The following MED13L variants were observed in gnomAD, a reference collection of about 807,000 sequenced individuals.
The protein encoded by MED13L is mediator of RNA polymerase II transcription subunit 13-like.
A neutral mutation model predicts 220.9 loss-of-function variants in MED13L; 7 were observed. That is an observed-to-expected ratio of 0.03 (90% CI 0.02 to 0.06). MED13L has a LOEUF of 0.06. Ranked by LOEUF, MED13L falls within the 10% of genes least tolerant of loss-of-function variation. MED13L has a pLI of 1.00. For synonymous variants in MED13L, 1,011 were observed against 1,015.2 expected, an observed-to-expected ratio of 1.00 and a Z score of 0.08; for missense variants, 1,965 against 2,760.5, an observed-to-expected ratio of 0.71 and a Z score of 6.46.
chr12:115,964,764 T>C (rs1876023984), intron 29 of MED13L, among the ~76,000 whole-genome samples: 2 of 152,190 alleles, frequency 1.3e-5, no homozygotes, highest in Non-Finnish European at 2.9e-5. Flanking sequence ...TTCTTCCTTT[T>C]AGGTGTGACA....
chr12:116,276,171 T>C (rs377590453), intron 1 of MED13L, among the ~76,000 whole-genome samples: 123 of 152,282 alleles, frequency 8.1e-4, no homozygotes, highest in South Asian at 1.9e-3. Flanking sequence ...ACGAGAACAA[T>C]TGACACCCTA....
At chr12:116,193,818 A>T (rs1881440685) in intron 2 of MED13L, among the ~76,000 whole-genome samples, 1 of 152,210 alleles carries the variant, frequency 6.6e-6, no homozygotes, top group African/African-American at 2.4e-5. Flanking sequence ...CATCCAGTCC[A>T]AAGAATGTAA....
chr12:116,175,448 T>G (rs918083007), intron 2 of MED13L, among the ~76,000 whole-genome samples: 8 of 152,146 alleles, frequency 5.3e-5, no homozygotes, highest in Admixed American at 3.9e-4. Flanking sequence ...CAACAAAAAC[T>G]AAGACACTGA....
chr12:115,970,244 C>G (rs1307373273), intron 27 of MED13L, among the ~76,000 whole-genome samples: 2 of 152,166 alleles, frequency 1.3e-5, no homozygotes, highest in African/African-American at 4.8e-5. Flanking sequence ...GGAAGGTGCT[C>G]TCTTCATATT....
intron 2 of MED13L, among the ~76,000 whole-genome samples, chr12:116,213,789 A>G (rs1365548099): frequency 6.6e-6 from 1 of 152,198 alleles, no homozygotes; most frequent in South Asian, 2.1e-4. Flanking sequence ...TTACCTACAC[A>G]TACTGATCAC....
At position 115,991,659 on chromosome 12, in the gene MED13L, T is replaced by C. The variant is rs1270331554; in HGVS notation, c.3295A>G (p.Thr1099Ala). 6.2e-7 allele frequency: 1 copy of C among 1,613,940 alleles called. No homozygotes were observed. Among genetic ancestry groups the C allele is most frequent in the Admixed American group, 1.7e-5 (1 of 60,018 alleles). Residue 1099 changes from threonine (T) to alanine (A), a missense_variant, in exon 17 of 31, where the codon ACC becomes GCC. Thr to Ala is a moderately conservative substitution (Grantham distance 58). Coordinates refer to ENST00000281928, the MANE Select transcript of MED13L (RefSeq NM_015335.5). This position sits in a 1 kb window ranked among gnomAD's most constrained non-coding sequence, Gnocchi z 7.7. ...TRPLNSVEPA[T>A]MQPIPEAHSL... is the part of the protein sequence containing the mutation. The stretch of plus-strand genomic sequence containing the variant: ...TGGGCTTCGGGAATTGGCTGCATGG[T>C]GGCGGGCTCCACAGAGTTGAGGGGC...
chr12:115,973,440 T>C (rs1287026956), intron 25 of MED13L, among the ~76,000 whole-genome samples: 2 of 152,200 alleles, frequency 1.3e-5, no homozygotes, highest in Middle Eastern at 3.2e-3. Context: ...ACATTTTCTT[T>C]CAATCTTTTG....
chr12:116,058,643 T>C (rs1869174343), intron 4 of MED13L, among the ~76,000 whole-genome samples: 1 of 152,220 alleles, frequency 6.6e-6, no homozygotes. Flanking sequence ...AGACCTTTCT[T>C]GCAGAGATAA....
At chr12:116,227,141 T>A (rs1288198069) in intron 2 of MED13L, among the ~76,000 whole-genome samples, 1 of 152,184 alleles carries the variant, frequency 6.6e-6, no homozygotes, top group East Asian at 1.9e-4. Context: ...TATTATACTT[T>A]AAGCAGATCC....
chr12:115,997,307 C>T (rs992302130), intron 14 of MED13L, 77 bp from the exon 15 acceptor site: 1 of 1,162,548 alleles, frequency 8.6e-7, no homozygotes, highest in Non-Finnish European at 1.3e-6. Flanking sequence ...CAGGCGCACT[C>T]TTTGGCACCA....
rs1875635721 is a variant in MED13L, at chr12:115,959,640, A to AT, written c.*1625dup. On this transcript the variant is annotated 3_prime_UTR_variant, in exon 31 of 31. Coordinates refer to ENST00000281928, the MANE Select transcript of MED13L (RefSeq NM_015335.5). ...AGATACAAATGGTTTGATATATCAGATTTTTTATCCTATACATTGCGAAAG... is the reference window on the plus strand; with the variant it reads ...AGATACAAATGGTTTGATATATCAGATTTTTTTATCCTATACATTGCGAAAG... 1 of 152,566 alleles carries AT rather than the reference A, an allele frequency of 6.6e-6. No homozygotes were observed. The highest frequency in any genetic ancestry group is 1.5e-5 in the Non-Finnish European group (1 of 68,024). The allele number at this position is 152,566 out of a possible 1,614,324, so 9.5% of individuals were successfully genotyped here. A position where few individuals can be genotyped will look rare whatever the true frequency, so the allele number is the denominator to read the frequency against.
At chr12:116,269,466 C>CAAAA (rs34100053) in intron 1 of MED13L, among the ~76,000 whole-genome samples, 38 of 69,106 alleles carry the variant, frequency 5.5e-4, no homozygotes, top group Non-Finnish European at 7.3e-4. Context: ...TTAAACTATG[C>CAAAA]AAAAAAAAAA....
intron 2 of MED13L, 130 bp downstream of exon 2, chr12:116,237,338 T>C (rs1165632706): frequency 1.3e-6 from 1 of 788,120 alleles, no homozygotes; most frequent in South Asian, 1.6e-5. Flanking sequence ...AGAATGTTCC[T>C]TTTGAGAGAG....
chr12:115,988,751 C>A lies in MED13L; in HGVS notation c.3935-1463G>T, dbSNP rs191892821. On this transcript the variant is annotated intron_variant, in intron 17 of 30. Transcript: ENST00000281928. ...TTTTAGGCATCTTAAAATTTGAAACCCAGACCTCCCCTGCAATAAAATGTC... is the reference window on the plus strand; with the variant it reads ...TTTTAGGCATCTTAAAATTTGAAACACAGACCTCCCCTGCAATAAAATGTC... Among the ~76,000 whole-genome samples the A allele has an allele frequency of 3.9e-3, 595 of 152,232 alleles. 5 individuals carry two copies. Among genetic ancestry groups the A allele is most frequent in the Non-Finnish European group, 4.5e-3 (305 of 68,018 alleles).
Position 116,019,900 on chromosome 12 carries a change from C to T in MED13L, c.698G>A (p.Arg233His), listed in dbSNP as rs757472716. 7 of 1,613,800 alleles carry T rather than the reference C, an allele frequency of 4.3e-6. No individual in the cohort carries two copies. The highest frequency in any genetic ancestry group is 1.1e-5 in the South Asian group (1 of 91,076). Residue 233 changes from arginine to histidine, a missense_variant, in exon 6 of 31, where the codon CGT (arginine) becomes CAT (histidine). Arg to His is a conservative substitution (Grantham distance 29). Transcript: ENST00000281928. ...QAYKMSDPAT[R>H]KLIEEWQYFY... Reference sequence around the variant, plus strand: ...ATACTGCCATTCCTCAATCAACTTACGAGTGGCTGGGTCTGACATCTTGTA... The same window carrying T: ...ATACTGCCATTCCTCAATCAACTTATGAGTGGCTGGGTCTGACATCTTGTA...
intron 2 of MED13L, among the ~76,000 whole-genome samples, chr12:116,218,819 T>C (rs1179637121): frequency 6.6e-6 from 1 of 152,054 alleles, no homozygotes; most frequent in Non-Finnish European, 1.5e-5. Context: ...CTGCAGCCTC[T>C]GCCTCCCAGT....
At chr12:116,114,615 C>T (rs935465904) in intron 2 of MED13L, among the ~76,000 whole-genome samples, 2 of 152,164 alleles carry the variant, frequency 1.3e-5, no homozygotes, top group Admixed American at 6.5e-5. Flanking sequence ...TCCTATTCCA[C>T]ATTATACCTG....
intron 4 of MED13L, among the ~76,000 whole-genome samples, chr12:116,053,487 G>A (rs915889201): frequency 1.3e-5 from 2 of 152,122 alleles, no homozygotes; most frequent in African/African-American, 2.4e-5. Context: ...AGAAAGGAAG[G>A]CTATCCAGGA....
chr12:116,108,522 C>T (rs1047679703), intron 3 of MED13L, among the ~76,000 whole-genome samples: 1 of 151,960 alleles, frequency 6.6e-6, no homozygotes, highest in Non-Finnish European at 1.5e-5. Context: ...CAACAACAAT[C>T]ATTTAAATTA....
Sources: allele counts gnomAD v4.1 joint callset (sites outside exome capture counted in the v4.1 genomes callset), GRCh38; gene constraint gnomAD v4.1.1; non-coding constraint Gnocchi (gnomAD v3.1); transcripts MANE v1.5; gene names NCBI Gene and HGNC (gene_info 2026-07-23, HGNC 2026-07-21).